The following EIF3L variants were observed in gnomAD, a reference collection of about 807,000 sequenced individuals.
EIF3L encodes eukaryotic translation initiation factor 3 subunit L.
EIF3L carries 32 observed loss-of-function variants against 74.6 expected under a neutral mutation model. That is an observed-to-expected ratio of 0.43 (90% CI 0.32 to 0.58). The LOEUF (loss-of-function observed/expected upper bound fraction) is 0.58, where lower values mean the gene tolerates loss of function less well. Among genes scored for constraint, EIF3L ranks in the 20% least tolerant of loss-of-function variants. The pLI, the probability that EIF3L is intolerant of heterozygous loss-of-function variation, is 0.06. For synonymous variants in EIF3L, 256 were observed against 254.4 expected (o/e 1.01, Z -0.06); for missense variants, 474 against 707.8 (o/e 0.67, Z 3.75).
chr22:37,852,922 G>A (rs1925304122), intron 3 of EIF3L, among the ~76,000 whole-genome samples: 1 of 152,106 alleles, frequency 6.6e-6, no homozygotes, highest in Non-Finnish European at 1.5e-5. Context: ...GTGCAGCATC[G>A]AGGTCTTTCA....
intron 3 of EIF3L, among the ~76,000 whole-genome samples, chr22:37,852,916 A>G (rs1236689002): frequency 6.6e-6 from 1 of 152,186 alleles, no homozygotes; most frequent in Non-Finnish European, 1.5e-5. Context: ...AAGAAGGTGC[A>G]GCATCGAGGT....
intron 11 of EIF3L, chr22:37,885,469 C>G (rs1202456923): frequency 6.6e-6 from 1 of 150,652 alleles, no homozygotes; most frequent in South Asian, 2.1e-4. Context: ...CTTTTTGACT[C>G]TTCATTCTTA....
At chr22:37,869,808 T>C (rs898897115) in intron 7 of EIF3L, among the ~76,000 whole-genome samples, 15 of 152,132 alleles carry the variant, frequency 9.9e-5, no homozygotes, top group African/African-American at 2.9e-4. Context: ...TGCATCTGAA[T>C]AGATGGTACA....
chr22:37,878,124 G>C lies in EIF3L; in HGVS notation c.1528G>C (p.Asp510His). 6.2e-7 allele frequency: 1 copy of C among 1,613,780 alleles called. No individual in the cohort carries two copies. The highest frequency in any genetic ancestry group is 8.5e-7 in the Non-Finnish European group (1 of 1,179,832). The stretch of plus-strand genomic sequence containing the variant: ...GTGGACCAGCGGTATCTCAGCCCTG[G>C]ATGGTGAATTTCAGTCAGCCTCAGA... ...LVWTSGISAL[D>H]GEFQSASEVD... The change falls in exon 11 of 13, where the codon GAT (aspartate) becomes CAT (histidine). Residue 510 changes from aspartate to histidine, a missense_variant. By Grantham distance (81) the Asp-to-His change is moderately conservative. This residue lies in a region of EIF3L where 293 missense variants were observed against 469.1 expected (regional missense o/e 0.62). Coordinates refer to ENST00000652021, the MANE Select transcript of EIF3L (RefSeq NM_016091.4).
chr22:37,865,925 T>C (rs1231556122), intron 7 of EIF3L, among the ~76,000 whole-genome samples: 1 of 152,242 alleles, frequency 6.6e-6, no homozygotes, highest in East Asian at 1.9e-4. Flanking sequence ...GGGCTTACGG[T>C]GCTTTCTAAC....
chr22:37,851,909 C>G (rs957382877), intron 3 of EIF3L, among the ~76,000 whole-genome samples: 1 of 152,048 alleles, frequency 6.6e-6, no homozygotes, highest in Non-Finnish European at 1.5e-5. Context: ...CTCAAGTGAT[C>G]CACCCGCCTC....
rs1397422252 is a variant in EIF3L, at chr22:37,878,142, G to T, written c.1546G>T (p.Ala516Ser). The T allele has an allele frequency of 6.2e-7, 1 of 1,611,772 alleles. No individual in the cohort carries two copies. The highest frequency in any genetic ancestry group is 8.5e-7 in the Non-Finnish European group (1 of 1,178,590). The change falls in exon 11 of 13, where the codon GCC (alanine) becomes TCC (serine). Residue 516 changes from alanine to serine, a missense_variant. Ala to Ser is a moderately conservative substitution (Grantham distance 99, BLOSUM62 1). Around this residue, in one of 4 missense-constraint regions of EIF3L, gnomAD observed 293 missense variants for 469.1 expected, o/e 0.62. Transcript: ENST00000652021. Reference protein sequence around the residue: ...ISALDGEFQSASEVDFYIDKD... With the variant: ...ISALDGEFQSSSEVDFYIDKD... ...AGCCCTGGATGGTGAATTTCAGTCA[G>T]CCTCAGAGGTTGACTTCTACATTGA...
At chr22:37,859,395 T>TTTTTTTTTTTTTTTTTGG in intron 5 of EIF3L, among the ~76,000 whole-genome samples, 1 of 122,966 alleles carries the variant, frequency 8.1e-6, no homozygotes, top group South Asian at 2.7e-4. Context: ...TTTTTTTTTT[T>TTTTTTTTTTTTTTTTTGG]GAGAGAGAGT....
intron 7 of EIF3L, among the ~76,000 whole-genome samples, chr22:37,867,974 AAAG>A (rs956126304): frequency 1.8e-4 from 28 of 151,458 alleles, no homozygotes; most frequent in African/African-American, 6.3e-4. Flanking sequence ...AAAAAAAGAA[AAAG>A]AAAAAAAAAT....
chr22:37,864,934 C>G (rs1186609848), intron 7 of EIF3L, among the ~76,000 whole-genome samples: 1 of 152,144 alleles, frequency 6.6e-6, no homozygotes, highest in African/African-American at 2.4e-5. Context: ...CGGATTGCTG[C>G]GAATGTTGCT....
intron 8 of EIF3L, among the ~76,000 whole-genome samples, chr22:37,872,151 C>G (rs1046502301): frequency 6.6e-6 from 1 of 151,592 alleles, no homozygotes; most frequent in Non-Finnish European, 1.5e-5. Flanking sequence ...ACAGAATCTG[C>G]TCTGTTGCTC....
intron 4 of EIF3L, among the ~76,000 whole-genome samples, chr22:37,858,153 G>A (rs1032771827): frequency 1.3e-5 from 2 of 150,564 alleles, no homozygotes; most frequent in Non-Finnish European, 3.0e-5. Flanking sequence ...TCCAACCTTG[G>A]CAACAGAGCG....
chr22:37,863,426 T>C, intron 7 of EIF3L, 81 bp downstream of exon 7: 1 of 1,196,574 alleles, frequency 8.4e-7, no homozygotes, highest in Non-Finnish European at 1.2e-6. Flanking sequence ...GTAAAAAAGC[T>C]GCAGGGTGTA....
intron 7 of EIF3L, 26 bp from the exon 8 acceptor site, chr22:37,870,150 T>G: frequency 1.3e-6 from 2 of 1,570,664 alleles, no homozygotes; most frequent in Non-Finnish European, 1.7e-6. Flanking sequence ...ATACCACTAC[T>G]GCATGTTTCT....
chr22:37,862,865 G>A lies in EIF3L; in HGVS notation c.436-104G>A, dbSNP rs186867355. The A allele has an allele frequency of 2.1e-4, 170 of 824,932 alleles. 1 individual carries two copies. The East Asian group carries it at 4.1e-3, about 20-fold the overall frequency. The allele number at this position is 824,932 out of a possible 1,614,324, so 51.1% of individuals were successfully genotyped here. A position where few individuals can be genotyped will look rare whatever the true frequency, so the allele number is the denominator to read the frequency against. On this transcript the variant is annotated intron_variant, in intron 5 of 12. Transcript: ENST00000652021. ...TTTACATAGTAAGAAAGAGAGGACAGATACCAATTCTCTTGTATTTGTTCA... is the reference window on the plus strand; with the variant it reads ...TTTACATAGTAAGAAAGAGAGGACAAATACCAATTCTCTTGTATTTGTTCA...
intron 11 of EIF3L, chr22:37,884,338 G>A (rs1188889691): frequency 1.3e-5 from 2 of 152,012 alleles, no homozygotes; most frequent in Non-Finnish European, 2.9e-5. Context: ...GGGGTTTTTT[G>A]TTCCTTTTTT....
intron 7 of EIF3L, among the ~76,000 whole-genome samples, chr22:37,868,540 G>A (rs1926290847): frequency 6.6e-6 from 1 of 150,482 alleles, no homozygotes; most frequent in Non-Finnish European, 1.5e-5. Flanking sequence ...TGCAACCTCT[G>A]CCTCCCAGGT....
intron 7 of EIF3L, among the ~76,000 whole-genome samples, chr22:37,864,205 A>G (rs1926021726): frequency 6.6e-6 from 1 of 152,180 alleles, no homozygotes; most frequent in South Asian, 2.1e-4. Context: ...TACAAGGCCC[A>G]CACCAACTTA....
chr22:37,886,751 G>A lies in EIF3L; in HGVS notation c.1576-14G>A. On this transcript the variant is annotated splice_polypyrimidine_tract_variant and intron_variant, in intron 11 of 12. Transcript: ENST00000652021. The stretch of plus-strand genomic sequence containing the variant: ...CACCTGGCTGCTCTTCCCTGACTGT[G>A]CTTTCCCCCACAGGACATGATCCAC... 3 of 1,603,804 alleles carry A rather than the reference G, an allele frequency of 1.9e-6. No individual in the cohort carries two copies. The highest frequency in any genetic ancestry group is 1.7e-6 in the Non-Finnish European group (2 of 1,173,344).
Sources: gnomAD v4.1 joint callset for allele counts (sites outside exome capture counted in the v4.1 genomes callset) on GRCh38, gnomAD v4.1.1 for gene constraint, gnomAD v4.1.1 regional missense constraint, MANE v1.5 for transcripts, NCBI Gene and HGNC (gene_info 2026-07-23, HGNC 2026-07-21) for gene names.